GEMIN7: variants seen among roughly 807,000 people sequenced by gnomAD.
The protein encoded by GEMIN7 is gem nuclear organelle associated protein 7, also known as gem-associated protein 7.
GEMIN7 carries 7 observed loss-of-function variants against 7.8 expected under a neutral mutation model. The ratio of observed to expected loss-of-function variants is 0.90; its 90% CI spans 0.51 to 1.69. The LOEUF is 1.69. Ranked by LOEUF, GEMIN7 falls within the 40% of genes most tolerant of loss-of-function variation. The pLI is 0.00. For synonymous variants in GEMIN7, 68 were observed against 72.4 expected (o/e 0.94, Z 0.31); for missense variants, 159 against 176.2 (o/e 0.90, Z 0.55).
chr19:45,084,213 C>CAAAAAA (rs35661833), intron 2 of GEMIN7, among the ~76,000 whole-genome samples: 4 of 74,448 alleles, frequency 5.4e-5, no homozygotes, highest in South Asian at 6.2e-4. Flanking sequence ...CTCCATCTCA[C>CAAAAAA]AAAAAAAAAA....
chr19:45,075,644 C>T, upstream of GEMIN7: 1 of 1,579,244 alleles, frequency 6.3e-7, no homozygotes, highest in South Asian at 1.2e-5. Flanking sequence ...TGCCGTCCAG[C>T]CCAGCCCCTT....
At chr19:45,078,743 T>C (rs1028632876), upstream of GEMIN7, among the ~76,000 whole-genome samples, 2 of 152,176 alleles carry the variant, frequency 1.3e-5, no homozygotes, top group Non-Finnish European at 2.9e-5. Context: ...GGGCCTGGAA[T>C]AGGGAGGTTC....
chr19:45,075,855 C>T (rs767342315), upstream of GEMIN7: 3 of 1,613,832 alleles, frequency 1.9e-6, no homozygotes, highest in Non-Finnish European at 2.5e-6. Context: ...CGGTCCAGGG[C>T]TGGCGGTCTG....
At chr19:45,078,771 C>T (rs1037616727), upstream of GEMIN7, among the ~76,000 whole-genome samples, 22 of 152,264 alleles carry the variant, frequency 1.4e-4, no homozygotes, top group African/African-American at 4.1e-4. Flanking sequence ...CCATTCAAGG[C>T]CTCAGTTTCC....
chr19:45,076,067 G>C, upstream of GEMIN7: 5 of 1,580,536 alleles, frequency 3.2e-6, no homozygotes, highest in Non-Finnish European at 4.3e-6. This position sits in a 1 kb window ranked among gnomAD's most constrained non-coding sequence, Gnocchi z 4.9. Context: ...CAGGGCCCGG[G>C]GTGCTCACCG....
intron 2 of GEMIN7, 119 bp from the exon 3 acceptor site, chr19:45,089,988 G>C: frequency 2.9e-6 from 3 of 1,043,874 alleles, no homozygotes; most frequent in Non-Finnish European, 2.8e-6. Flanking sequence ...GGGTGGATCA[G>C]TCTGGGGCAG....
chr19:45,076,585 G>C (rs1033502195), upstream of GEMIN7: 20 of 351,370 alleles, frequency 5.7e-5, no homozygotes, highest in Non-Finnish European at 9.1e-5. This position sits in a 1 kb window ranked among gnomAD's most constrained non-coding sequence, Gnocchi z 4.9. Context: ...GGGCCCTGAC[G>C]GCGGCCTAAC....
intron 2 of GEMIN7, chr19:45,085,352 T>G (rs1967645734): frequency 6.6e-6 from 1 of 152,182 alleles, no homozygotes; most frequent in Non-Finnish European, 1.5e-5. Context: ...AAAACTGTAT[T>G]GAGATGCAAT....
intron 2 of GEMIN7, among the ~76,000 whole-genome samples, chr19:45,082,615 G>A (rs1301883950): frequency 6.6e-6 from 1 of 151,974 alleles, no homozygotes. Flanking sequence ...TAATGTGGAT[G>A]AGTGAATTTT....
chr19:45,086,163 G>A (rs552174301), intron 2 of GEMIN7, among the ~76,000 whole-genome samples: 2 of 151,112 alleles, frequency 1.3e-5, no homozygotes, highest in East Asian at 2.0e-4. Flanking sequence ...CACCACGCCC[G>A]GCCACACAAG....
At chr19:45,076,571 G>T, upstream of GEMIN7, 1 of 367,128 alleles carries the variant, frequency 2.7e-6, no homozygotes, top group Non-Finnish European at 4.7e-6. The surrounding 1 kb of genome is among the most constrained non-coding windows in gnomAD (Gnocchi z 4.9). Context: ...GAGCCGCCCT[G>T]CTGGGGCCCT....
upstream of GEMIN7, chr19:45,076,124 G>A (rs1378655174): frequency 3.2e-6 from 5 of 1,564,684 alleles, no homozygotes; most frequent in Non-Finnish European, 4.3e-6. The surrounding 1 kb of genome is among the most constrained non-coding windows in gnomAD (Gnocchi z 4.9). Flanking sequence ...GGGTTCCGCG[G>A]GCCGAGGGCG....
chr19:45,087,364 G>A (rs961181586), intron 2 of GEMIN7, among the ~76,000 whole-genome samples: 4 of 152,072 alleles, frequency 2.6e-5, no homozygotes, highest in African/African-American at 9.7e-5. Context: ...GGCTGCTCTC[G>A]AACTCCTGAC....
At chr19:45,083,694 C>CGG (rs1967580826) in intron 2 of GEMIN7, among the ~76,000 whole-genome samples, 1 of 147,670 alleles carries the variant, frequency 6.8e-6, no homozygotes, top group African/African-American at 2.5e-5. Context: ...CAGCCTCCTC[C>CGG]GGCTCACTAG....
chr19:45,089,697 T>A (rs1311166231), intron 2 of GEMIN7, among the ~76,000 whole-genome samples: 4 of 151,752 alleles, frequency 2.6e-5, no homozygotes, highest in African/African-American at 7.3e-5. Context: ...ATATATATAT[T>A]TTTAGAAATG....
chr19:45,078,868 T>A (rs950122210), upstream of GEMIN7, among the ~76,000 whole-genome samples: 15 of 152,208 alleles, frequency 9.9e-5, no homozygotes, highest in African/African-American at 3.4e-4. Flanking sequence ...GTATGCGGCA[T>A]CTGAAACCAT....
chr19:45,083,998 G>T (rs1967591229), intron 2 of GEMIN7, among the ~76,000 whole-genome samples: 1 of 151,038 alleles, frequency 6.6e-6, no homozygotes, highest in Non-Finnish European at 1.5e-5. Context: ...ATCACCTGAG[G>T]TAAGGAGTTC....
intron 2 of GEMIN7, among the ~76,000 whole-genome samples, chr19:45,087,921 G>A (rs1380591559): frequency 6.6e-6 from 1 of 151,058 alleles, no homozygotes; most frequent in Non-Finnish European, 1.5e-5. Context: ...ATATGTGTGT[G>A]TGTGTATATA....
chr19:45,079,122 C>T (rs957530696), upstream of GEMIN7: 10 of 152,322 alleles, frequency 6.6e-5, no homozygotes, highest in Non-Finnish European at 1.0e-4. Context: ...GGTGGCGACC[C>T]GGGCTGTGCT....
Sources: gnomAD v4.1 joint callset for allele counts (sites outside exome capture counted in the v4.1 genomes callset) on GRCh38, gnomAD v4.1.1 for gene constraint, Gnocchi (gnomAD v3.1) non-coding constraint, MANE v1.5 for transcripts, NCBI Gene and HGNC (gene_info 2026-07-23, HGNC 2026-07-21) for gene names.